UNKL: variants seen among roughly 807,000 people sequenced by gnomAD.
The protein encoded by UNKL is unk like zinc finger.
UNKL carries 60 observed loss-of-function variants against 78.0 expected under a neutral mutation model. That is an observed-to-expected ratio of 0.77 (90% CI 0.63 to 0.95). UNKL has a LOEUF of 0.95. UNKL is among the 40% of genes least tolerant of loss of function. The pLI, the probability that UNKL is intolerant of heterozygous loss-of-function variation, is 0.00. For synonymous variants in UNKL, 608 were observed against 474.8 expected (o/e 1.28, Z -3.65); for missense variants, 1,159 against 1,045.7 (o/e 1.11, Z -1.49).
chr16:1,406,473 A>C (rs1307554849), intron 2 of UNKL, among the ~76,000 whole-genome samples: 2 of 152,110 alleles, frequency 1.3e-5, no homozygotes, highest in Non-Finnish European at 2.9e-5. Context: ...TTGGCATCCC[A>C]AAGTGCTGGG....
In UNKL at chr16:1,364,419, G is replaced by C. The variant is rs917077781; in HGVS notation, c.*1821C>G. ...ATTAAAAGTCTTTGGCAAAGCCACG[G>C]TCGGGGAGAAACACGTCGGTGCCGC... On this transcript the variant is annotated 3_prime_UTR_variant, in exon 15 of 15. Transcript: ENST00000389221. 3 of 152,222 alleles carry C rather than the reference G, an allele frequency of 2.0e-5. No homozygotes were observed. Among genetic ancestry groups the C allele is most frequent in the Non-Finnish European group, 4.4e-5 (3 of 68,040 alleles). The allele number at this position is 152,222 out of a possible 1,614,324, so 9.4% of individuals were successfully genotyped here. A position where few individuals can be genotyped will look rare whatever the true frequency, so the allele number is the denominator to read the frequency against.
chr16:1,408,840 A>C (rs2037904397), intron 2 of UNKL: 1 of 152,440 alleles, frequency 6.6e-6, no homozygotes, highest in Non-Finnish European at 1.5e-5. Flanking sequence ...GCAACGCCTG[A>C]TACGGGCTAA....
chr16:1,367,895 TGTGCTCGCGGCCTGGTGGGATTGGTG>T (rs757370852), intron 12 of UNKL, 37 bp from the exon 13 acceptor site: 1,234 of 1,515,590 alleles, frequency 8.1e-4, no homozygotes, highest in Non-Finnish European at 9.8e-4. Context: ...CCAGCCCTGC[TGTGCTCGCGGCCTGGTGGGATTGGTG>T]GGTGCTATGC....
chr16:1,405,492 C>T (rs2037711410), intron 2 of UNKL, among the ~76,000 whole-genome samples: 1 of 151,860 alleles, frequency 6.6e-6, no homozygotes, highest in African/African-American at 2.4e-5. Flanking sequence ...CAGGGAATTA[C>T]TTGAACCCGG....
chr16:1,385,384 T>C lies in UNKL; in HGVS notation c.1088A>G (p.Asn363Ser). The C allele has an allele frequency of 1.4e-6, 2 of 1,383,768 alleles. No homozygotes were observed. The highest frequency in any genetic ancestry group is 1.9e-6 in the Non-Finnish European group (2 of 1,071,064). 85.7% of individuals were successfully genotyped at this position (1,383,768 alleles called of 1,614,324 possible). ...PRGSEQDSKQ[N>S]HLAVFAAVHP... ...GACCGCTGCAAACACGGCCAGGTGG[T>C]TCTGTTCAAAGACATAAACACCGTG... Residue 363 changes from asparagine (N) to serine (S), a missense_variant and splice_region_variant, in exon 10 of 15, where the codon AAC becomes AGC. By Grantham distance (46) the Asn-to-Ser change is conservative. Transcript: ENST00000389221.
intron 14 of UNKL, 50 bp downstream of exon 14, chr16:1,367,013 CCAGCCAGGGCCCTCCCCAGACAGGGACAG>C: frequency 6.9e-7 from 1 of 1,443,792 alleles, no homozygotes; most frequent in Non-Finnish European, 9.1e-7. Flanking sequence ...GGACACCGCA[CCAGCCAGGGCCCTCCCCAGACAGGGACAG>C]CAGCCCTGCA....
At position 1,367,851 on chromosome 16, in the gene UNKL, G is replaced by T; in HGVS notation, c.1593C>A (p.Asn531Lys). ...AGTCCCAGATGCTCCCGGGGACACC[G>T]TTCAAACCTGAGTGTGAAACGGTCG... ...AASSYSPLGL[N>K]GVPGSIWDFV... Residue 531 changes from asparagine (N) to lysine (K), a missense_variant, in exon 13 of 15, where the codon AAC (asparagine) becomes AAA (lysine). Asn to Lys is a moderately conservative substitution (Grantham distance 94). Coordinates refer to ENST00000389221, the MANE Select transcript of UNKL (RefSeq NM_001372107.1). 1 of 1,565,408 alleles carries T rather than the reference G, an allele frequency of 6.4e-7. No homozygotes were observed. Among genetic ancestry groups the T allele is most frequent in the Non-Finnish European group, 8.7e-7 (1 of 1,155,944 alleles).
intron 8 of UNKL, among the ~76,000 whole-genome samples, chr16:1,391,064 C>T (rs2037025417): frequency 6.6e-6 from 1 of 151,706 alleles, no homozygotes; most frequent in Non-Finnish European, 1.5e-5. Flanking sequence ...AAAAGGATAT[C>T]GCTTGAACCC....
Position 1,364,521 on chromosome 16 carries a change from G to C in UNKL, c.*1719C>G, listed in dbSNP as rs2035079260. On this transcript the variant is annotated 3_prime_UTR_variant, in exon 15 of 15. Transcript: ENST00000389221. ...CCGTAAACCACAGATGCCTGTTCCT[G>C]CTCAACTCCTAGGGACAGTCCCAGC... 6.6e-6 allele frequency: 1 copy of C among 152,262 alleles called. No homozygotes were observed. Among genetic ancestry groups the C allele is most frequent in the African/African-American group, 2.4e-5 (1 of 41,468 alleles). 9.4% of individuals were successfully genotyped at this position (152,262 alleles called of 1,614,324 possible). A position where few individuals can be genotyped will look rare whatever the true frequency, so the allele number is the denominator to read the frequency against.
intron 9 of UNKL, among the ~76,000 whole-genome samples, chr16:1,390,072 C>T (rs971224439): frequency 1.3e-5 from 2 of 152,158 alleles, no homozygotes; most frequent in African/African-American, 4.8e-5. Context: ...CTGCAATCTC[C>T]ACCTCCCGGC....
chr16:1,392,190 C>T (rs2037076560), intron 8 of UNKL, among the ~76,000 whole-genome samples: 1 of 152,180 alleles, frequency 6.6e-6, no homozygotes, highest in Admixed American at 6.5e-5. Context: ...ACATGCCACT[C>T]TTTGACAAAA....
At chr16:1,407,054 C>G (rs543425456) in intron 2 of UNKL, among the ~76,000 whole-genome samples, 12 of 151,262 alleles carry the variant, frequency 7.9e-5, no homozygotes, top group Non-Finnish European at 1.3e-4. Flanking sequence ...GAGGTTGAGG[C>G]AGGAGAATCA....
At chr16:1,366,647 G>A (rs999142148) in intron 14 of UNKL, among the ~76,000 whole-genome samples, 7 of 152,212 alleles carry the variant, frequency 4.6e-5, no homozygotes, top group South Asian at 2.1e-4. Flanking sequence ...CACGGCAGTG[G>A]CCAGACAGGC....
rs2035167996 is a variant in UNKL at position 1,365,479 on chromosome 16, G to A, written c.*761C>T. On this transcript the variant is annotated 3_prime_UTR_variant, in exon 15 of 15. Coordinates refer to ENST00000389221, the MANE Select transcript of UNKL (RefSeq NM_001372107.1). ...ACGGACCACAGAAATGCAGGACGGA[G>A]CTCTCCTGCTCCCACGCCACGAGGC... The A allele has an allele frequency of 6.6e-6, 1 of 152,464 alleles. No individual in the cohort carries two copies. Among genetic ancestry groups the A allele is most frequent in the South Asian group, 2.1e-4 (1 of 4,832 alleles). 9.4% of individuals were successfully genotyped at this position (152,464 alleles called of 1,614,324 possible). A position where few individuals can be genotyped will look rare whatever the true frequency, so the allele number is the denominator to read the frequency against.
In UNKL at chr16:1,399,691, C is replaced by T; in HGVS notation, c.599-182G>A. The T allele has an allele frequency of 6.5e-6, 6 of 929,060 alleles. No homozygotes were observed. Among genetic ancestry groups the T allele is most frequent in the Non-Finnish European group, 9.5e-6 (6 of 632,510 alleles). The allele number at this position is 929,060 out of a possible 1,614,324, so 57.6% of individuals were successfully genotyped here. A position where few individuals can be genotyped will look rare whatever the true frequency, so the allele number is the denominator to read the frequency against. On this transcript the variant is annotated intron_variant, in intron 4 of 14. Coordinates refer to ENST00000389221, the MANE Select transcript of UNKL (RefSeq NM_001372107.1). The surrounding 1 kb of genome is among the most constrained non-coding windows in gnomAD (Gnocchi z 5.8). The stretch of plus-strand genomic sequence containing the variant: ...AAGGACTCGCGCTCCATGAGGGAAG[C>T]CGGGCCAGAAGGCCACGTGGTGTGA...
Position 1,364,011 on chromosome 16 carries a change from C to G in UNKL, c.*2229G>C, listed in dbSNP as rs902661789. Reference sequence around the variant, plus strand: ...CTCAGCTGCTCCTGACCACTGACAACCGGGAGATGTCTCGGCAGACACCAC... The same window carrying G: ...CTCAGCTGCTCCTGACCACTGACAAGCGGGAGATGTCTCGGCAGACACCAC... On this transcript the variant is annotated 3_prime_UTR_variant, in exon 15 of 15. Transcript: ENST00000389221. 5 of 152,222 alleles carry G rather than the reference C, an allele frequency of 3.3e-5. No individual in the cohort carries two copies. The highest frequency in any genetic ancestry group is 1.2e-4 in the African/African-American group (5 of 41,440). 9.4% of individuals were successfully genotyped at this position (152,222 alleles called of 1,614,324 possible). A position where few individuals can be genotyped will look rare whatever the true frequency, so the allele number is the denominator to read the frequency against.
At chr16:1,369,205 G>A (rs975761159) in intron 12 of UNKL, among the ~76,000 whole-genome samples, 2 of 151,812 alleles carry the variant, frequency 1.3e-5, no homozygotes, top group African/African-American at 4.8e-5. Context: ...AAGTAGCTGG[G>A]ATTACAGGCA....
intron 9 of UNKL, among the ~76,000 whole-genome samples, chr16:1,386,467 T>C (rs1247012612): frequency 6.6e-6 from 1 of 152,038 alleles, no homozygotes; most frequent in Non-Finnish European, 1.5e-5. Flanking sequence ...GGTAGGAGAA[T>C]TGCTTGAATC....
chr16:1,367,475 CCCCTGCGG>C, intron 13 of UNKL, 126 bp from the exon 14 acceptor site: 1 of 1,158,652 alleles, frequency 8.6e-7, no homozygotes. Flanking sequence ...TCACCTGAGA[CCCCTGCGG>C]CCCTCCCTCC....
Sources: allele counts gnomAD v4.1 joint callset (sites outside exome capture counted in the v4.1 genomes callset), GRCh38; gene constraint gnomAD v4.1.1; non-coding constraint Gnocchi (gnomAD v3.1); transcripts MANE v1.5; gene names NCBI Gene and HGNC (gene_info 2026-07-23, HGNC 2026-07-21).